EFCC1: variants seen among roughly 807,000 people sequenced by gnomAD.
EFCC1 encodes EF-hand and coiled-coil domain containing 1, also known as EF-hand and coiled-coil domain-containing protein 1.
A neutral mutation model predicts 52.1 loss-of-function variants in EFCC1; 50 were observed. The observed-to-expected ratio is 0.96, with a 90% confidence interval of 0.76 to 1.21. EFCC1 has a LOEUF of 1.21. Among genes scored for constraint, EFCC1 ranks in the 50% most tolerant of loss-of-function variants. The probability of loss-of-function intolerance (pLI) is 0.00; values close to 1 mark genes in which losing one functional copy is unlikely to be tolerated. For synonymous variants in EFCC1, 399 were observed against 396.5 expected (o/e 1.01, Z -0.08); for missense variants, 837 against 867.3 (o/e 0.97, Z 0.44).
intron 2 of EFCC1, among the ~76,000 whole-genome samples, chr3:129,022,790 A>C (rs2107917547): frequency 6.6e-6 from 1 of 152,302 alleles, no homozygotes; most frequent in African/African-American, 2.4e-5. Flanking sequence ...CCCCCAGACC[A>C]TTTCCCCCAT....
rs759921257 is a variant in EFCC1 at position 129,015,106 on chromosome 3, C to T, written c.980+11029C>T. ...ACCCAGATCCCACCTCGGGCTCGCCCACTCACAACTCTCCTGTGACCTCCT... is the reference window on the plus strand; with the variant it reads ...ACCCAGATCCCACCTCGGGCTCGCCTACTCACAACTCTCCTGTGACCTCCT... On this transcript the variant is annotated intron_variant, in intron 2 of 7. Coordinates refer to ENST00000683648, the MANE Select transcript of EFCC1 (RefSeq NM_001377500.1). 5.9e-4 allele frequency among the ~76,000 whole-genome samples: 90 copies of T among 152,206 alleles called. 1 individual carries two copies. The highest frequency in any genetic ancestry group is 3.9e-4 in the Admixed American group (6 of 15,278).
chr3:129,038,788 C>G, intron 6 of EFCC1, 43 bp from the exon 7 acceptor site: 1 of 1,599,854 alleles, frequency 6.3e-7, no homozygotes, highest in African/African-American at 1.3e-5. Context: ...AACAGGGACA[C>G]AGCAACCAGT....
intron 3 of EFCC1, among the ~76,000 whole-genome samples, chr3:129,031,245 ATGGCAAAAGC>A (rs1946266936): frequency 6.6e-6 from 1 of 152,202 alleles, no homozygotes; most frequent in Non-Finnish European, 1.5e-5. Context: ...GCCTGGCAAC[ATGGCAAAAGC>A]TGGTCTCTAC....
intron 2 of EFCC1, among the ~76,000 whole-genome samples, chr3:129,013,293 G>A (rs947351310): frequency 1.3e-5 from 2 of 152,206 alleles, no homozygotes; most frequent in African/African-American, 2.4e-5. Flanking sequence ...GGATGGAGAG[G>A]GTTCTATATT....
rs535237708 is a variant in EFCC1, at chr3:129,039,162, C to G, written c.1663+262C>G. Among the ~76,000 whole-genome samples, 8 of 152,288 alleles carry G rather than the reference C, an allele frequency of 5.3e-5. No homozygotes were observed. In the South Asian group the frequency reaches 1.7e-3, roughly 32 times the overall value. On this transcript the variant is annotated intron_variant, in intron 7 of 7. Transcript: ENST00000683648. Reference sequence around the variant, plus strand: ...GCAGCCACATGCGGGGGAGGTGCCCCAAGGGTTTTTAAACCCCTGAATCCT... The same window carrying G: ...GCAGCCACATGCGGGGGAGGTGCCCGAAGGGTTTTTAAACCCCTGAATCCT...
intron 4 of EFCC1, 42 bp downstream of exon 4, chr3:129,033,008 T>G (rs1452316516): frequency 6.2e-6 from 9 of 1,458,744 alleles, no homozygotes; most frequent in African/African-American, 1.4e-5. Flanking sequence ...GGCCGCAGGC[T>G]CCAGAGGTGT....
At chr3:129,015,592 C>T (rs552473822) in intron 2 of EFCC1, among the ~76,000 whole-genome samples, 10 of 152,228 alleles carry the variant, frequency 6.6e-5, no homozygotes, top group Non-Finnish European at 1.0e-4. Flanking sequence ...ACGGCGCCCC[C>T]GAGAGCTGAG....
chr3:129,009,962 G>A (rs560589700), intron 2 of EFCC1, among the ~76,000 whole-genome samples: 30 of 152,362 alleles, frequency 2.0e-4, no homozygotes, highest in Admixed American at 3.9e-4. Context: ...GGTTCTGTCC[G>A]TAGCTGGGAG....
intron 2 of EFCC1, among the ~76,000 whole-genome samples, chr3:129,012,289 T>C (rs1356068357): frequency 6.6e-6 from 1 of 152,204 alleles, no homozygotes; most frequent in Non-Finnish European, 1.5e-5. Context: ...GCATTTAGAA[T>C]GATGCCTGGC....
intron 3 of EFCC1, among the ~76,000 whole-genome samples, chr3:129,031,605 G>A (rs1288082941): frequency 3.3e-5 from 5 of 152,156 alleles, no homozygotes; most frequent in Non-Finnish European, 5.9e-5. Context: ...AGCCCAAACC[G>A]GCTTAAGTTA....
At chr3:129,002,377 T>A in intron 1 of EFCC1, 53 bp downstream of exon 1, 1 of 1,482,950 alleles carries the variant, frequency 6.7e-7, no homozygotes, top group Non-Finnish European at 8.9e-7. Flanking sequence ...GGGCTCGAAC[T>A]AAAAGCTGGC....
intron 2 of EFCC1, 63 bp from the exon 3 acceptor site, chr3:129,030,640 A>G (rs1051911895): frequency 1.2e-5 from 18 of 1,504,420 alleles, no homozygotes; most frequent in Non-Finnish European, 1.6e-5. Flanking sequence ...GCCCATGTAC[A>G]GTGGGGAATG....
rs992506875 is a variant in EFCC1 at position 129,010,121 on chromosome 3, G to T, written c.980+6044G>T. Among the ~76,000 whole-genome samples the T allele has an allele frequency of 6.6e-6, 1 of 152,232 alleles. No homozygotes were observed. The highest frequency in any genetic ancestry group is 1.5e-5 in the Non-Finnish European group (1 of 68,036). ...TCAAAACTGGAAGAAAGGGCGTAACGCCTGGGACTTCAGCACAAGGAGACC... is the reference window on the plus strand; with the variant it reads ...TCAAAACTGGAAGAAAGGGCGTAACTCCTGGGACTTCAGCACAAGGAGACC... On this transcript the variant is annotated intron_variant, in intron 2 of 7. Transcript: ENST00000683648. This position sits in a 1 kb window ranked among gnomAD's most constrained non-coding sequence, Gnocchi z 4.3.
intron 5 of EFCC1, among the ~76,000 whole-genome samples, chr3:129,035,231 T>A (rs1489287239): frequency 1.3e-5 from 2 of 152,254 alleles, no homozygotes; most frequent in East Asian, 3.8e-4. Flanking sequence ...TTTTTAAAAA[T>A]GATACCAGCT....
At position 129,014,330 on chromosome 3, in the gene EFCC1, C is replaced by A. The variant is rs763004382; in HGVS notation, c.980+10253C>A. ...TGTGACAAGCCCCACAGACCAGGAG[C>A]TTCAACAACAGGCATTTGTCTCCCA... On this transcript the variant is annotated intron_variant, in intron 2 of 7. Transcript: ENST00000683648. The surrounding 1 kb of genome is among the most constrained non-coding windows in gnomAD (Gnocchi z 4.3). Among the ~76,000 whole-genome samples, 43 of 152,220 alleles carry A rather than the reference C, an allele frequency of 2.8e-4. No homozygotes were observed. The highest frequency in any genetic ancestry group is 8.8e-5 in the Non-Finnish European group (6 of 68,044).
Position 129,002,276 on chromosome 3 carries a change from C to A in EFCC1, c.648C>A (p.Asp216Glu). The change falls in exon 1 of 8, where the codon GAC (aspartate) becomes GAA (glutamate). Residue 216 changes from aspartate to glutamate, a missense_variant. Physicochemically the swap from Asp to Glu is conservative, Grantham distance 45 (BLOSUM62 2). Transcript: ENST00000683648. ...ENSSLRELVE[D>E]LRAALQSSDA... is the part of the protein sequence containing the mutation. ...GCAGCTTGCGCGAGTTGGTGGAGGA[C>A]CTGCGCGCCGCGCTGCAGAGCAGTG... 2.0e-6 allele frequency: 3 copies of A among 1,530,128 alleles called. No individual in the cohort carries two copies. Among genetic ancestry groups the A allele is most frequent in the East Asian group, 2.5e-5 (1 of 39,966 alleles). The allele number at this position is 1,530,128 out of a possible 1,614,324, so 94.8% of individuals were successfully genotyped here. A position where few individuals can be genotyped will look rare whatever the true frequency, so the allele number is the denominator to read the frequency against.
chr3:129,028,641 CT>C (rs370016067), intron 2 of EFCC1, among the ~76,000 whole-genome samples: 6 of 150,302 alleles, frequency 4.0e-5, no homozygotes, highest in African/African-American at 9.8e-5. Flanking sequence ...TTTCTTTTTT[CT>C]TTTTTTTTTC....
intron 2 of EFCC1, among the ~76,000 whole-genome samples, chr3:129,015,036 C>G (rs1446656226): frequency 1.3e-5 from 2 of 152,204 alleles, no homozygotes; most frequent in East Asian, 3.9e-4. Context: ...TGTCCCAGCT[C>G]CATCAGAACC....
intron 2 of EFCC1, among the ~76,000 whole-genome samples, chr3:129,006,866 C>T (rs1945096823): frequency 6.6e-6 from 1 of 152,158 alleles, no homozygotes; most frequent in Admixed American, 6.5e-5. Context: ...GGTTTGTGGA[C>T]TGACCTGCCC....
Sources: allele counts gnomAD v4.1 joint callset (sites outside exome capture counted in the v4.1 genomes callset), GRCh38; gene constraint gnomAD v4.1.1; non-coding constraint Gnocchi (gnomAD v3.1); transcripts MANE v1.5; gene names NCBI Gene and HGNC (gene_info 2026-07-23, HGNC 2026-07-21).